The following TTF1 variants were observed in gnomAD, a reference collection of about 807,000 sequenced individuals.
TTF1 encodes the protein transcription termination factor 1, also known as transcription termination factor, RNA polymerase I.
A neutral mutation model predicts 80.2 loss-of-function variants in TTF1; 64 were observed. That is an observed-to-expected ratio of 0.80 (90% CI 0.65 to 0.98). TTF1 has a LOEUF of 0.98. Among genes scored for constraint, TTF1 ranks in the 50% least tolerant of loss-of-function variants. The pLI, the probability that TTF1 is intolerant of heterozygous loss-of-function variation, is 0.00. For missense variants in TTF1, 1,023 were observed against 1,086.2 expected (o/e 0.94, Z 0.82); for synonymous variants, 372 against 382.7 (o/e 0.97, Z 0.33).
At chr9:132,393,274 C>G (rs536415548) in intron 5 of TTF1, among the ~76,000 whole-genome samples, 1 of 151,974 alleles carries the variant, frequency 6.6e-6, no homozygotes, top group Non-Finnish European at 1.5e-5. Context: ...AGCAAGCCCC[C>G]CCCGCAAACT....
At position 132,387,667 on chromosome 9, in the gene TTF1, C is replaced by T. The variant is rs147911867; in HGVS notation, c.2312+472G>A. ...CGCATCACGAAACGGGCCCATGTCTCCCTTTTCCTCGTCACCCTTCAACAC... is the reference window on the plus strand; with the variant it reads ...CGCATCACGAAACGGGCCCATGTCTTCCTTTTCCTCGTCACCCTTCAACAC... On this transcript the variant is annotated intron_variant, in intron 8 of 10. Coordinates refer to ENST00000334270, the MANE Select transcript of TTF1 (RefSeq NM_007344.4). 8.9e-4 allele frequency among the ~76,000 whole-genome samples: 136 copies of T among 152,224 alleles called. 3 individuals carry two copies. In the East Asian group the frequency reaches 0.019, roughly 21 times the overall value.
intron 1 of TTF1, among the ~76,000 whole-genome samples, chr9:132,403,560 CA>C (rs57915396): frequency 1.3e-5 from 2 of 152,048 alleles, no homozygotes; most frequent in African/African-American, 4.8e-5. Flanking sequence ...ATCAGTTCTT[CA>C]AAAAGTTTTC....
intron 10 of TTF1, among the ~76,000 whole-genome samples, chr9:132,376,735 C>T (rs1165421789): frequency 6.6e-6 from 1 of 151,024 alleles, no homozygotes; most frequent in Non-Finnish European, 1.5e-5. Flanking sequence ...CGATCACACT[C>T]ACTGAAGCCT....
At chr9:132,377,803 TGTG>T (rs540663445) in intron 10 of TTF1, among the ~76,000 whole-genome samples, 1,644 of 132,344 alleles carry the variant, frequency 0.012, 27 homozygotes, top group Non-Finnish European at 0.021. Context: ...TGTGTGTGCA[TGTG>T]GTGTGAGTGC....
intron 10 of TTF1, among the ~76,000 whole-genome samples, chr9:132,377,806 G>GT (rs1849249327): frequency 1.7e-5 from 2 of 119,544 alleles, no homozygotes; most frequent in Non-Finnish European, 3.5e-5. Flanking sequence ...GTGTGCATGT[G>GT]GTGTGAGTGC....
rs1430929363 is a variant in TTF1, at chr9:132,384,227, T to A, written c.2378+2329A>T. On this transcript the variant is annotated intron_variant, in intron 9 of 10. Transcript: ENST00000334270. This position sits in a 1 kb window ranked among gnomAD's most constrained non-coding sequence, Gnocchi z 4.1. ...TTCCTAATAAAGTTTCTGAAAAAAA[T>A]AATTGGGCATTGCTAATAAAGCAGT... 6.6e-6 allele frequency among the ~76,000 whole-genome samples: 1 copy of A among 151,798 alleles called. No homozygotes were observed. The highest frequency in any genetic ancestry group is 2.4e-5 in the African/African-American group (1 of 41,376).
In TTF1 at chr9:132,398,809, T is replaced by C. The variant is rs73550600; in HGVS notation, c.1592-483A>G. Among the ~76,000 whole-genome samples, 565 of 152,264 alleles carry C rather than the reference T, an allele frequency of 3.7e-3. 5 individuals carry two copies. The highest frequency in any genetic ancestry group is 0.013 in the African/African-American group (549 of 41,548). ...CTTGCTGTTTTGCCCAGACTGGTCT[T>C]AAACTCCAGGCCTCAAGCAATTCTC... is the stretch of plus-strand genomic sequence containing the variant. On this transcript the variant is annotated intron_variant, in intron 3 of 10. Transcript: ENST00000334270.
At position 132,381,200 on chromosome 9, in the gene TTF1, T is replaced by G. The variant is rs183494818; in HGVS notation, c.2379-2056A>C. Among the ~76,000 whole-genome samples the G allele has an allele frequency of 1.5e-3, 226 of 152,062 alleles. 1 individual carries two copies. The highest frequency in any genetic ancestry group is 4.6e-3 in the African/African-American group (189 of 41,506). The stretch of plus-strand genomic sequence containing the variant: ...ACAAATTTAATGGAAAAGCTGAATT[T>G]TTTTTTTTTTTGAGATGGAGTCTGG... On this transcript the variant is annotated intron_variant, in intron 9 of 10. Coordinates refer to ENST00000334270, the MANE Select transcript of TTF1 (RefSeq NM_007344.4).
At position 132,398,208 on chromosome 9, in the gene TTF1, G is replaced by T. The variant is rs932912737; in HGVS notation, c.1710C>A (p.Asp570Glu). Residue 570 changes from aspartate to glutamate, a missense_variant, in exon 4 of 11, where the codon GAC becomes GAA. Asp to Glu is a conservative substitution (Grantham distance 45). Transcript: ENST00000334270. ...IESADKLLYTDRYPEEKSVIT... is the reference protein window; with the variant it reads ...IESADKLLYTERYPEEKSVIT... ...TCACAGATTTTTCCTCAGGATATCT[G>T]TCCGTGTACAGCAGCTTGTCTGCAC... is the stretch of plus-strand genomic sequence containing the variant. 1.9e-6 allele frequency: 3 copies of T among 1,599,076 alleles called. No homozygotes were observed. The highest frequency in any genetic ancestry group is 2.6e-6 in the Non-Finnish European group (3 of 1,175,664).
chr9:132,382,356 A>C (rs530121840), intron 9 of TTF1, among the ~76,000 whole-genome samples: 3 of 152,360 alleles, frequency 2.0e-5, no homozygotes, highest in African/African-American at 7.2e-5. Flanking sequence ...CCACCAAAGG[A>C]AGAACCAGTA....
At chr9:132,404,979 G>A (rs11243761) in intron 1 of TTF1, among the ~76,000 whole-genome samples, 22,787 of 151,350 alleles carry the variant, frequency 0.15, 2,100 homozygotes, top group East Asian at 0.52. Flanking sequence ...TCTGCCTCCC[G>A]GGTTCACGCC....
At chr9:132,403,473 C>G (rs867410124) in intron 1 of TTF1, among the ~76,000 whole-genome samples, 4 of 152,044 alleles carry the variant, frequency 2.6e-5, no homozygotes, top group Admixed American at 6.6e-5. Flanking sequence ...CCTTTCCCCC[C>G]CAGCTCTCCA....
intron 2 of TTF1, 30 bp from the exon 3 acceptor site, chr9:132,400,288 C>G: frequency 6.4e-7 from 1 of 1,565,206 alleles, no homozygotes; most frequent in Non-Finnish European, 8.8e-7. Context: ...GGTTGACTAA[C>G]ATTAACACAT....
At chr9:132,396,883 G>A (rs1228216557) in intron 4 of TTF1, among the ~76,000 whole-genome samples, 3 of 152,006 alleles carry the variant, frequency 2.0e-5, no homozygotes, top group South Asian at 4.2e-4. Flanking sequence ...AAACCAGGCT[G>A]TTTCATTTGG....
In TTF1 at chr9:132,386,575, C is replaced by A. The variant is rs1011490307; in HGVS notation, c.2359G>T (p.Asp787Tyr). Residue 787 changes from aspartate (D) to tyrosine (Y), a missense_variant, in exon 9 of 11, where the codon GAT becomes TAT. Physicochemically the swap from Asp to Tyr is radical, Grantham distance 160. Coordinates refer to ENST00000334270, the MANE Select transcript of TTF1 (RefSeq NM_007344.4). ...TCTTACCCTATGGCACTAGCAAGAT[C>A]TTCCCAGTCTATTTCATTAGTATCT... ...VEDTNEIDWE[D>Y]LASAIGDVPP... 6.2e-7 allele frequency: 1 copy of A among 1,612,286 alleles called. No homozygotes were observed. The highest frequency in any genetic ancestry group is 8.5e-7 in the Non-Finnish European group (1 of 1,178,544).
chr9:132,406,015 AC>A (rs1459964228), intron 1 of TTF1, among the ~76,000 whole-genome samples: 1 of 152,088 alleles, frequency 6.6e-6, no homozygotes, highest in African/African-American at 2.4e-5. Flanking sequence ...TCCCCATTGC[AC>A]TTTTGGCAGT....
At position 132,388,380 on chromosome 9, in the gene TTF1, AG is replaced by A. The variant is rs1849507551; in HGVS notation, c.2223-153del. Reference sequence around the variant, plus strand: ...GAGACGGGGTCTCACTTTGTCACCCAGGCTGGAGTGCAGTGTCACGGTCTCA... The same window carrying A: ...GAGACGGGGTCTCACTTTGTCACCCAGCTGGAGTGCAGTGTCACGGTCTCA... On this transcript the variant is annotated intron_variant, in intron 7 of 10. Transcript: ENST00000334270. 2.4e-5 allele frequency: 12 copies of A among 495,920 alleles called. No homozygotes were observed. In the South Asian group the frequency reaches 2.7e-4, roughly 11 times the overall value. The allele number at this position is 495,920 out of a possible 1,614,324, so 30.7% of individuals were successfully genotyped here. A position where few individuals can be genotyped will look rare whatever the true frequency, so the allele number is the denominator to read the frequency against.
chr9:132,378,148 GGTGT>G (rs1312255239), intron 10 of TTF1, among the ~76,000 whole-genome samples: 28 of 114,816 alleles, frequency 2.4e-4, no homozygotes, highest in South Asian at 5.9e-4. Flanking sequence ...GAGTGCATGT[GGTGT>G]GTGTGAGTGC....
intron 3 of TTF1, among the ~76,000 whole-genome samples, chr9:132,398,656 A>G (rs1849701729): frequency 6.6e-6 from 1 of 152,106 alleles, no homozygotes; most frequent in South Asian, 2.1e-4. Flanking sequence ...GTGCAGTGGC[A>G]TGATCAAAGT....
Sources: gnomAD v4.1 joint callset for allele counts (sites outside exome capture counted in the v4.1 genomes callset) on GRCh38, gnomAD v4.1.1 for gene constraint, Gnocchi (gnomAD v3.1) non-coding constraint, MANE v1.5 for transcripts, NCBI Gene and HGNC (gene_info 2026-07-23, HGNC 2026-07-21) for gene names.